The following ALB variants were observed in gnomAD, a reference collection of about 807,000 sequenced individuals.
ALB encodes the protein albumin, also known as serum albumin.
Under a neutral mutation model 74.5 loss-of-function variants are expected in ALB, and 37 were observed. The observed-to-expected ratio is 0.50, with a 90% CI of 0.38 to 0.65. ALB has a LOEUF of 0.65. Among genes scored for constraint, ALB ranks in the 30% least tolerant of loss-of-function variants. The pLI, the probability that ALB is intolerant of heterozygous loss-of-function variation, is 0.00. For missense variants in ALB, 685 were observed against 718.7 expected, an observed-to-expected ratio of 0.95 and a Z score of 0.54; for synonymous variants, 249 against 251.6, an observed-to-expected ratio of 0.99 and a Z score of 0.10.
At chr4:73,404,857 G>C (rs751102438) in intron 1 of ALB, 4 of 459,778 alleles carry the variant, frequency 8.7e-6, no homozygotes, top group South Asian at 4.9e-5. Context: ...AAGAGTATTA[G>C]ATATTATCTA....
chr4:73,408,586 C>T lies in ALB; in HGVS notation c.271-8C>T, dbSNP rs55888080. 30,575 of 1,613,178 alleles carry T rather than the reference C, an allele frequency of 0.019. 357 individuals are homozygous for T. Among genetic ancestry groups the T allele is most frequent in the Non-Finnish European group, 0.024 (27,942 of 1,179,352 alleles). On this transcript the variant is annotated splice_region_variant and splice_polypyrimidine_tract_variant and intron_variant, in intron 3 of 14. Transcript: ENST00000295897. ...TCCAGCAACTGAAACCTGCTTTCTT[C>T]CATTTAGCATACCCTTTTTGGAGAC...
chr4:73,410,112 T>A (rs890664719), intron 5 of ALB, among the ~76,000 whole-genome samples, 200 bp from the exon 6 acceptor site: 9 of 152,156 alleles, frequency 5.9e-5, no homozygotes, highest in African/African-American at 2.2e-4. Context: ...ACATAGGGAA[T>A]TCCGCTGTGA....
chr4:73,415,272 T>G, intron 9 of ALB, 105 bp downstream of exon 9: 1 of 1,366,906 alleles, frequency 7.3e-7, no homozygotes, highest in Non-Finnish European at 1.0e-6. Flanking sequence ...GCAATTTAGA[T>G]CTTTTCTTGA....
Position 73,408,731 on chromosome 4 carries a change from C to T in ALB, c.408C>T (p.Leu136=). 2 of 1,614,024 alleles carry T rather than the reference C, an allele frequency of 1.2e-6. No homozygotes were observed. The highest frequency in any genetic ancestry group is 2.2e-5 in the East Asian group (1 of 44,870). ...FLQHKDDNPN[L]PRLVRPEVDV... Reference sequence around the variant, plus strand: ...AACACAAAGATGACAACCCAAACCTCCCCCGATTGGTGAGACCAGAGGTTG... The same window carrying T: ...AACACAAAGATGACAACCCAAACCTTCCCCGATTGGTGAGACCAGAGGTTG... The change falls in exon 4 of 15, where the codon CTC becomes CTT. Residue 136 remains leucine (L), a synonymous_variant. Transcript: ENST00000295897.
intron 6 of ALB, 36 bp downstream of exon 6, chr4:73,410,445 C>T (rs781518359): frequency 7.0e-6 from 10 of 1,423,998 alleles, no homozygotes; most frequent in South Asian, 3.4e-5. Context: ...ATCTTTATAA[C>T]GATGTAAATG....
chr4:73,414,109 G>C (rs771884908), intron 8 of ALB, among the ~76,000 whole-genome samples: 1 of 152,130 alleles, frequency 6.6e-6, no homozygotes, highest in African/African-American at 2.4e-5. Context: ...AAGACCAGAA[G>C]TTCAGTATAA....
At chr4:73,417,235 C>T (rs1268739776) in intron 10 of ALB, among the ~76,000 whole-genome samples, 1 of 152,152 alleles carries the variant, frequency 6.6e-6, no homozygotes, top group Non-Finnish European at 1.5e-5. Context: ...ACATATGAAG[C>T]TCTCTCCAGG....
In ALB at chr4:73,418,123, T is replaced by C; in HGVS notation, c.1464T>C (p.His488=). Residue 488 remains histidine (H), a synonymous_variant, in exon 12 of 15, where the codon CAT becomes CAC. Coordinates refer to ENST00000295897, the MANE Select transcript of ALB (RefSeq NM_000477.7). ...TCCTGAACCAGTTATGTGTGTTGCA[T>C]GAGAAAACGCCAGTAAGTGACAGAG... ...SVVLNQLCVL[H]EKTPVSDRVT... 6.2e-7 allele frequency: 1 copy of C among 1,613,794 alleles called. No individual in the cohort carries two copies. Among genetic ancestry groups the C allele is most frequent in the Non-Finnish European group, 8.5e-7 (1 of 1,179,706 alleles).
chr4:73,406,148 A>G (rs1718721868), intron 2 of ALB, among the ~76,000 whole-genome samples: 1 of 152,072 alleles, frequency 6.6e-6, no homozygotes, highest in African/African-American at 2.4e-5. Flanking sequence ...AGTCCTAGCT[A>G]CTTAGGAGGC....
intron 14 of ALB, 78 bp from the exon 15 acceptor site, chr4:73,421,014 T>C: frequency 1.5e-6 from 1 of 648,136 alleles, no homozygotes; most frequent in South Asian, 1.7e-5. Flanking sequence ...TCTAAGTAAT[T>C]TGGCATTTAT....
At position 73,421,212 on chromosome 4, in the gene ALB, C is replaced by G; in HGVS notation, c.*144C>G. The stretch of plus-strand genomic sequence containing the variant: ...ACATAAATTTCTTTAATCATTTTGC[C>G]TCTTTTCTCTGTGCTTCAATTAATA... On this transcript the variant is annotated 3_prime_UTR_variant, in exon 15 of 15. Coordinates refer to ENST00000295897, the MANE Select transcript of ALB (RefSeq NM_000477.7). 1 of 634,044 alleles carries G rather than the reference C, an allele frequency of 1.6e-6. No homozygotes were observed. The highest frequency in any genetic ancestry group is 2.7e-5 in the Admixed American group (1 of 36,800). 39.3% of individuals were successfully genotyped at this position (634,044 alleles called of 1,614,324 possible).
chr4:73,410,275 TTTC>T (rs1315151228), intron 5 of ALB, 34 bp from the exon 6 acceptor site: 1 of 1,552,434 alleles, frequency 6.4e-7, no homozygotes, highest in Non-Finnish European at 8.9e-7. Flanking sequence ...ATGTAGAATT[TTTC>T]TTCTAATTTT....
chr4:73,406,093 C>A (rs1718719981), intron 2 of ALB, among the ~76,000 whole-genome samples: 4 of 151,768 alleles, frequency 2.6e-5, no homozygotes, highest in Admixed American at 2.0e-4. Context: ...TTAAAAAAAA[C>A]AAAACAAACA....
Position 73,405,339 on chromosome 4 carries a change from G to T in ALB, c.137+166G>T, listed in dbSNP as rs142249375. Among the ~76,000 whole-genome samples the T allele has an allele frequency of 3.5e-3, 527 of 152,278 alleles. 4 individuals are homozygous for T. The highest frequency in any genetic ancestry group is 0.012 in the African/African-American group (491 of 41,560). On this transcript the variant is annotated intron_variant, in intron 2 of 14. Coordinates refer to ENST00000295897, the MANE Select transcript of ALB (RefSeq NM_000477.7). Reference sequence around the variant, plus strand: ...ATTCTGTATCTGGGCTATCCAATAAGGTAGTCACTGGTCACATGGCTATTG... The same window carrying T: ...ATTCTGTATCTGGGCTATCCAATAATGTAGTCACTGGTCACATGGCTATTG...
At chr4:73,405,726 G>A (rs1009209187) in intron 2 of ALB, among the ~76,000 whole-genome samples, 1 of 151,930 alleles carries the variant, frequency 6.6e-6, no homozygotes, top group African/African-American at 2.4e-5. Flanking sequence ...GAGTAGCTGG[G>A]ACTACAGGCG....
chr4:73,417,112 G>T (rs963577851), intron 10 of ALB, among the ~76,000 whole-genome samples: 4 of 152,170 alleles, frequency 2.6e-5, no homozygotes, highest in African/African-American at 9.7e-5. Flanking sequence ...TACCATGTCA[G>T]ATTAATTATA....
intron 3 of ALB, 40 bp from the exon 4 acceptor site, chr4:73,408,554 G>T: frequency 6.4e-7 from 1 of 1,555,912 alleles, no homozygotes. Flanking sequence ...AAAGAAAAAA[G>T]GTACTGTCCA....
At position 73,410,343 on chromosome 4, in the gene ALB, C is replaced by T. The variant is rs1485868409; in HGVS notation, c.647C>T (p.Ser216Leu). Residue 216 changes from serine (S) to leucine (L), a missense_variant, in exon 6 of 15, where the codon TCG (serine) becomes TTG (leucine). Physicochemically the swap from Ser to Leu is moderately radical, Grantham distance 145 (BLOSUM62 -2). Transcript: ENST00000295897. Reference protein sequence around the residue: ...LDELRDEGKASSAKQRLKCAS... With the variant: ...LDELRDEGKALSAKQRLKCAS... The stretch of plus-strand genomic sequence containing the variant: ...GAACTTCGGGATGAAGGGAAGGCTT[C>T]GTCTGCCAAACAGAGACTCAAGTGT... 6.8e-6 allele frequency: 11 copies of T among 1,613,646 alleles called. No homozygotes were observed. Among genetic ancestry groups the T allele is most frequent in the South Asian group, 2.2e-5 (2 of 91,072 alleles).
At chr4:73,413,984 T>A (rs1002457855) in intron 8 of ALB, among the ~76,000 whole-genome samples, 2 of 152,142 alleles carry the variant, frequency 1.3e-5, no homozygotes, top group Admixed American at 6.5e-5. Flanking sequence ...ATGTATTGCC[T>A]GTCTATCTAA....
Sources: gnomAD v4.1 joint callset for allele counts (sites outside exome capture counted in the v4.1 genomes callset) on GRCh38, gnomAD v4.1.1 for gene constraint, MANE v1.5 for transcripts, NCBI Gene and HGNC (gene_info 2026-07-23, HGNC 2026-07-21) for gene names.